The following ANKRD27 variants were observed in gnomAD, a reference collection of about 807,000 sequenced individuals.
ANKRD27 encodes the protein ankyrin repeat domain-containing protein 27.
ANKRD27 carries 112 observed loss-of-function variants against 129.7 expected under a neutral mutation model. The ratio of observed to expected loss-of-function variants is 0.86; its 90% confidence interval spans 0.74 to 1.01. The LOEUF (loss-of-function observed/expected upper bound fraction) is 1.01. Ranked by LOEUF, ANKRD27 falls within the 50% of genes least tolerant of loss-of-function variation. ANKRD27 has a pLI of 0.00. For synonymous variants in ANKRD27, 516 were observed against 511.2 expected (o/e 1.01, Z -0.13); for missense variants, 1,258 against 1,300.5 (o/e 0.97, Z 0.50).
chr19:32,674,588 G>C (rs946477339), intron 1 of ANKRD27, among the ~76,000 whole-genome samples: 1 of 152,084 alleles, frequency 6.6e-6, no homozygotes, highest in Non-Finnish European at 1.5e-5. Flanking sequence ...CGCCCTGCGA[G>C]AGGCCGGCAG....
intron 9 of ANKRD27, 147 bp downstream of exon 9, chr19:32,642,976 A>T (rs1216769515): frequency 1.3e-5 from 10 of 765,428 alleles, no homozygotes; most frequent in African/African-American, 1.2e-4. Flanking sequence ...GCAGCCCTTT[A>T]TCTTTGGTTG....
At chr19:32,670,597 C>A (rs1267718241) in intron 1 of ANKRD27, among the ~76,000 whole-genome samples, 1 of 152,058 alleles carries the variant, frequency 6.6e-6, no homozygotes, top group Admixed American at 6.6e-5. Flanking sequence ...TCACTTCAAC[C>A]CAGGAGGCGG....
chr19:32,622,547 G>C lies in ANKRD27; in HGVS notation c.1702C>G (p.Pro568Ala), dbSNP rs751749664. ...CCCCAGCGGGCAGCAATGTGTAGAGGGGTGTCTCCTTTCTCATTGCCAATG... is the reference window on the plus strand; with the variant it reads ...CCCCAGCGGGCAGCAATGTGTAGAGCGGTGTCTCCTTTCTCATTGCCAATG... ...LDIGNEKGDT[P>A]LHIAARWGYQ... The change falls in exon 18 of 29, where the codon CCT (proline) becomes GCT (alanine). Residue 568 changes from proline (P) to alanine (A), a missense_variant. Transcript: ENST00000306065. 1.4e-5 allele frequency: 22 copies of C among 1,614,004 alleles called. No individual in the cohort carries two copies. The highest frequency in any genetic ancestry group is 1.9e-5 in the Non-Finnish European group (22 of 1,180,010).
At chr19:32,638,034 TTGA>T (rs1388013944) in intron 12 of ANKRD27, 3 of 152,308 alleles carry the variant, frequency 2.0e-5, no homozygotes, top group African/African-American at 7.2e-5. Context: ...GGCCAGCATG[TTGA>T]TGGTGGCAGA....
chr19:32,666,639 CTATTTTTTT>C (rs1243112311), intron 1 of ANKRD27, among the ~76,000 whole-genome samples: 6 of 112,020 alleles, frequency 5.4e-5, no homozygotes, highest in Non-Finnish European at 8.8e-5. Flanking sequence ...AATCAGATTT[CTATTTTTTT>C]TTTTTTTTTT....
At chr19:32,665,879 G>A (rs144015935) in intron 1 of ANKRD27, among the ~76,000 whole-genome samples, 109 of 151,290 alleles carry the variant, frequency 7.2e-4, no homozygotes, top group Non-Finnish European at 1.1e-3. Context: ...CTCGTACCTC[G>A]GCCTCCCAAG....
chr19:32,626,643 A>G (rs1966888934), intron 16 of ANKRD27, 69 bp downstream of exon 16: 3 of 1,221,014 alleles, frequency 2.5e-6, no homozygotes, highest in Non-Finnish European at 2.3e-6. Flanking sequence ...GCATGACCGT[A>G]CAGTCACCAC....
At chr19:32,653,805 T>G (rs1189553570) in intron 2 of ANKRD27, among the ~76,000 whole-genome samples, 1 of 152,190 alleles carries the variant, frequency 6.6e-6, no homozygotes, top group African/African-American at 2.4e-5. Flanking sequence ...CCACACACAC[T>G]GCTGCAGGGC....
chr19:32,626,593 G>C, intron 16 of ANKRD27, 119 bp downstream of exon 16: 1 of 708,554 alleles, frequency 1.4e-6, no homozygotes, highest in Non-Finnish European at 2.3e-6. Flanking sequence ...TGTGGAACGA[G>C]GGGGGCACAG....
At position 32,599,980 on chromosome 19, in the gene ANKRD27, A is replaced by G. The variant is rs751083566; in HGVS notation, c.2838T>C (p.Gly946=). ...TTGAGTTTCATACTCACTTAAACTGACCAGCTGAGTGGACAAAGTAAAACT... is the reference window on the plus strand; with the variant it reads ...TTGAGTTTCATACTCACTTAAACTGGCCAGCTGAGTGGACAAAGTAAAACT... The part of the protein sequence containing the change: ...TRQFYFVHSA[G]QFKGKTSREI... Residue 946 remains glycine, a synonymous_variant, in exon 27 of 29, where the codon GGT becomes GGC. Coordinates refer to ENST00000306065, the MANE Select transcript of ANKRD27 (RefSeq NM_032139.3). 9 of 1,612,366 alleles carry G rather than the reference A, an allele frequency of 5.6e-6. No individual in the cohort carries two copies. The South Asian group carries it at 9.9e-5, about 18-fold the overall frequency.
At chr19:32,650,549 T>G (rs1967393434) in intron 2 of ANKRD27, among the ~76,000 whole-genome samples, 1 of 152,058 alleles carries the variant, frequency 6.6e-6, no homozygotes, top group East Asian at 1.9e-4. Flanking sequence ...TAGCCAGGTA[T>G]GGTGGCATGT....
At chr19:32,651,154 C>T (rs1967408723) in intron 2 of ANKRD27, among the ~76,000 whole-genome samples, 1 of 152,152 alleles carries the variant, frequency 6.6e-6, no homozygotes, top group Non-Finnish European at 1.5e-5. Context: ...GACCTCAAGG[C>T]TCCCAAGTGG....
Position 32,639,376 on chromosome 19 carries a change from T to C in ANKRD27, c.1096A>G (p.Ser366Gly). Residue 366 changes from serine to glycine, a missense_variant, in exon 12 of 29, where the codon AGC becomes GGC. By Grantham distance (56) the Ser-to-Gly change is moderately conservative. Transcript: ENST00000306065. The part of the protein sequence containing the change: ...EAAIEYIRQG[S>G]LSAKPPESEG... ...CTTACAGGGGGTTTAGCAGAGAGGCTTCCTTGCCGAATATATTCAATGGCA... is the reference window on the plus strand; with the variant it reads ...CTTACAGGGGGTTTAGCAGAGAGGCCTCCTTGCCGAATATATTCAATGGCA... 1 of 1,614,202 alleles carries C rather than the reference T, an allele frequency of 6.2e-7. No individual in the cohort carries two copies. Among genetic ancestry groups the C allele is most frequent in the Non-Finnish European group, 8.5e-7 (1 of 1,180,040 alleles).
rs768298079 is a variant in ANKRD27, at chr19:32,628,168, A to G, written c.1338-3T>C. 1 of 1,613,250 alleles carries G rather than the reference A, an allele frequency of 6.2e-7. No individual in the cohort carries two copies. The highest frequency in any genetic ancestry group is 8.5e-7 in the Non-Finnish European group (1 of 1,179,178). On this transcript the variant is annotated splice_polypyrimidine_tract_variant and splice_region_variant and intron_variant, in intron 14 of 28. Transcript: ENST00000306065. Reference sequence around the variant, plus strand: ...CAACTGAGGGATCATTCAACCTCCTAAAATACAGAAAGAGATAGAAAACTA... The same window carrying G: ...CAACTGAGGGATCATTCAACCTCCTGAAATACAGAAAGAGATAGAAAACTA...
chr19:32,613,899 G>A (rs563645482), intron 22 of ANKRD27, among the ~76,000 whole-genome samples: 34 of 152,046 alleles, frequency 2.2e-4, no homozygotes, highest in African/African-American at 7.5e-4. Context: ...TAGTAGAGAC[G>A]GGGTTTCACC....
rs1168227416 is a variant in ANKRD27 at position 32,675,147 on chromosome 19, G to C, written c.-107C>G. 6.6e-6 allele frequency: 1 copy of C among 152,374 alleles called. No homozygotes were observed. The highest frequency in any genetic ancestry group is 2.4e-5 in the African/African-American group (1 of 41,430). The allele number at this position is 152,374 out of a possible 1,614,324, so 9.4% of individuals were successfully genotyped here. A position where few individuals can be genotyped will look rare whatever the true frequency, so the allele number is the denominator to read the frequency against. On this transcript the variant is annotated 5_prime_UTR_variant, in exon 1 of 29. In the 5' UTR this introduces an upstream ATG that the reference lacks. Coordinates refer to ENST00000306065, the MANE Select transcript of ANKRD27 (RefSeq NM_032139.3). ...CTCCCTCGTCCGCTGCTGGGACCTC[G>C]ATGCCCACCACCCTCGCGCGGCGAT...
At chr19:32,626,435 A>C (rs1186109597) in intron 16 of ANKRD27, among the ~76,000 whole-genome samples, 1 of 151,508 alleles carries the variant, frequency 6.6e-6, no homozygotes, top group Non-Finnish European at 1.5e-5. Flanking sequence ...TGGGCTCCCA[A>C]AGCACTGGGA....
At chr19:32,649,230 C>G (rs1236784853) in intron 3 of ANKRD27, among the ~76,000 whole-genome samples, 2 of 152,060 alleles carry the variant, frequency 1.3e-5, no homozygotes, top group African/African-American at 4.8e-5. Context: ...GCCTCGGCCC[C>G]CCAAAGTGCT....
Position 32,644,481 on chromosome 19 carries a change from T to G in ANKRD27, c.371-2A>C. 1 of 1,612,826 alleles carries G rather than the reference T, an allele frequency of 6.2e-7. No homozygotes were observed. Among genetic ancestry groups the G allele is most frequent in the Non-Finnish European group, 8.5e-7 (1 of 1,179,076 alleles). On this transcript the variant is annotated splice_acceptor_variant, in intron 4 of 28. Coordinates refer to ENST00000306065, the MANE Select transcript of ANKRD27 (RefSeq NM_032139.3). LOFTEE classifies it high-confidence loss of function. ...GATCTGAGGGTGCCAAAGGCTCTTCTGAAAAAGAAACAAACAGGTCAGGCC... is the reference window on the plus strand; with the variant it reads ...GATCTGAGGGTGCCAAAGGCTCTTCGGAAAAAGAAACAAACAGGTCAGGCC...
Sources: allele counts gnomAD v4.1 joint callset (sites outside exome capture counted in the v4.1 genomes callset), GRCh38; gene constraint gnomAD v4.1.1; transcripts MANE v1.5; gene names NCBI Gene and HGNC (gene_info 2026-07-23, HGNC 2026-07-21).